Variants in IL1RAPL1 observed in about 807,000 individuals in gnomAD.
The protein encoded by IL1RAPL1 is interleukin 1 receptor accessory protein like 1, also known as interleukin-1 receptor accessory protein-like 1.
In IL1RAPL1, 3 loss-of-function variants were observed where a neutral mutation model predicts 48.4. The ratio of observed to expected loss-of-function variants is 0.06; its 90% CI spans 0.03 to 0.16. The LOEUF is 0.16. Ranked by LOEUF, IL1RAPL1 falls within the 10% of genes least tolerant of loss-of-function variation. IL1RAPL1 has a pLI of 1.00. For missense variants in IL1RAPL1, 349 were observed against 530.6 expected, an observed-to-expected ratio of 0.66 and a Z score of 3.36; for synonymous variants, 185 against 187.7, an observed-to-expected ratio of 0.99 and a Z score of 0.12.
chrX:29,426,046 G>A (rs1221446620), intron 5 of IL1RAPL1, among the ~76,000 whole-genome samples: 5 of 111,353 alleles, frequency 4.5e-5, no homozygotes, highest in Middle Eastern at 9.3e-3. Flanking sequence ...AGCTATCATT[G>A]TTTTTCCTAA....
chrX:29,127,228 C>T (rs546829215), intron 2 of IL1RAPL1, among the ~76,000 whole-genome samples: 1 of 110,197 alleles, frequency 9.1e-6, no homozygotes, highest in Non-Finnish European at 1.9e-5. Flanking sequence ...CAAAAATGAC[C>T]CAATTCAGTG....
intron 1 of IL1RAPL1, among the ~76,000 whole-genome samples, chrX:28,683,178 TA>T (rs1269414824): frequency 1.8e-5 from 2 of 111,259 alleles, no homozygotes; most frequent in Admixed American, 1.9e-4. Flanking sequence ...AAGATAGAAC[TA>T]AGGGGAAATT....
intron 2 of IL1RAPL1, among the ~76,000 whole-genome samples, chrX:28,937,355 G>GT (rs1924043557): frequency 9.0e-6 from 1 of 110,916 alleles, no homozygotes; most frequent in African/African-American, 3.3e-5. Context: ...AGAGTGACCA[G>GT]TTTTTACTTT....
chrX:29,915,020 A>G (rs1974593), intron 6 of IL1RAPL1, among the ~76,000 whole-genome samples: 39,005 of 110,417 alleles, frequency 0.35, 6,261 homozygotes, highest in African/African-American at 0.66. Context: ...ATCCGGCTGG[A>G]CGTGGTGGCT....
intron 1 of IL1RAPL1, among the ~76,000 whole-genome samples, chrX:28,771,937 C>CAAAA (rs5901904): frequency 2.6e-4 from 11 of 41,928 alleles, no homozygotes; most frequent in East Asian, 2.2e-3. Flanking sequence ...GACTCCGTCT[C>CAAAA]AAAAAAAAAA....
chrX:28,642,333 C>G (rs1934555546), intron 1 of IL1RAPL1, among the ~76,000 whole-genome samples: 1 of 111,848 alleles, frequency 8.9e-6, no homozygotes, highest in African/African-American at 3.3e-5. Context: ...CTACAGAACT[C>G]TCCAACCCAA....
chrX:28,644,759 G>A (rs1354428113), intron 1 of IL1RAPL1, among the ~76,000 whole-genome samples: 2 of 111,639 alleles, frequency 1.8e-5, no homozygotes, highest in African/African-American at 6.5e-5. Flanking sequence ...TAAGCTTGTG[G>A]GCATTAAAAA....
At chrX:28,938,445 G>A (rs1379640616) in intron 2 of IL1RAPL1, among the ~76,000 whole-genome samples, 1 of 92,800 alleles carries the variant, frequency 1.1e-5, no homozygotes, top group Non-Finnish European at 2.1e-5. Flanking sequence ...TCAATAAACG[G>A]TGCTGAGATA....
At chrX:28,849,224 G>A (rs1921593453) in intron 2 of IL1RAPL1, among the ~76,000 whole-genome samples, 1 of 110,460 alleles carries the variant, frequency 9.1e-6, no homozygotes, top group Admixed American at 9.6e-5. Flanking sequence ...CCATTGTTCT[G>A]TTGGCTGAAT....
chrX:29,257,325 C>T (rs141953949), intron 2 of IL1RAPL1, among the ~76,000 whole-genome samples: 254 of 111,239 alleles, frequency 2.3e-3, no homozygotes, highest in African/African-American at 4.7e-3. Flanking sequence ...AAGATATTAG[C>T]GCCATTAAAA....
At chrX:28,878,677 A>C (rs916801878) in intron 2 of IL1RAPL1, among the ~76,000 whole-genome samples, 1 of 111,909 alleles carries the variant, frequency 8.9e-6, no homozygotes. Flanking sequence ...TAAGTCATAC[A>C]GGAAAGACAG....
At chrX:29,500,398 C>A (rs1417235337) in intron 5 of IL1RAPL1, among the ~76,000 whole-genome samples, 1 of 111,444 alleles carries the variant, frequency 9.0e-6, no homozygotes, top group Non-Finnish European at 1.9e-5. Flanking sequence ...GTGTTTGTAC[C>A]CATTACTCAA....
At chrX:28,947,285 TTCA>T (rs1402379429) in intron 2 of IL1RAPL1, among the ~76,000 whole-genome samples, 1 of 111,677 alleles carries the variant, frequency 9.0e-6, no homozygotes, top group Non-Finnish European at 1.9e-5. Context: ...GGTTTTGATT[TTCA>T]TCATTCTGAA....
chrX:29,893,370 G>A (rs1039207886), intron 6 of IL1RAPL1, among the ~76,000 whole-genome samples: 1 of 111,312 alleles, frequency 9.0e-6, no homozygotes, highest in Non-Finnish European at 1.9e-5. Context: ...TTTTAGAATA[G>A]CGATTGCAAA....
intron 2 of IL1RAPL1, among the ~76,000 whole-genome samples, chrX:28,937,700 A>G (rs765401539): frequency 1.8e-5 from 2 of 108,614 alleles, no homozygotes; most frequent in South Asian, 3.7e-4. Context: ...AGAAACAAAT[A>G]AAGGACATCC....
At chrX:29,783,440 C>T (rs1049626178) in intron 6 of IL1RAPL1, among the ~76,000 whole-genome samples, 3 of 110,602 alleles carry the variant, frequency 2.7e-5, no homozygotes, top group Non-Finnish European at 5.7e-5. Flanking sequence ...AAGTGATTGG[C>T]AATGGGAAGG....
chrX:29,685,626 A>T lies in IL1RAPL1; in HGVS notation c.778+17122A>T, dbSNP rs190361913. ...CAATTTTTCCTAAAGGCTGACATTT[A>T]CCAGGTGTGAGGTTTCATAAACACT... is the stretch of plus-strand genomic sequence containing the variant. On this transcript the variant is annotated intron_variant, in intron 6 of 10. Coordinates refer to ENST00000378993, the MANE Select transcript of IL1RAPL1 (RefSeq NM_014271.4). 8.0e-4 allele frequency among the ~76,000 whole-genome samples: 89 copies of T among 111,879 alleles called. 2 individuals are homozygous for T. Among genetic ancestry groups the T allele is most frequent in the Non-Finnish European group, 2.4e-4 (13 of 53,232 alleles).
intron 5 of IL1RAPL1, among the ~76,000 whole-genome samples, chrX:29,648,040 A>G (rs1925390797): frequency 8.9e-6 from 1 of 112,225 alleles, no homozygotes; most frequent in African/African-American, 3.2e-5. Flanking sequence ...GTCAAAAGCT[A>G]TGAAAAGAGA....
chrX:29,197,654 C>T (rs1194261479), intron 2 of IL1RAPL1, among the ~76,000 whole-genome samples: 1 of 109,903 alleles, frequency 9.1e-6, no homozygotes. Context: ...TATAAGTTTA[C>T]TGGGTATCAG....
Sources: gnomAD v4.1 joint callset for allele counts (sites outside exome capture counted in the v4.1 genomes callset) on GRCh38, gnomAD v4.1.1 for gene constraint, MANE v1.5 for transcripts, NCBI Gene and HGNC (gene_info 2026-07-23, HGNC 2026-07-21) for gene names.